DIPK2A: variants seen among roughly 807,000 people sequenced by gnomAD.
DIPK2A encodes divergent protein kinase domain 2A.
A neutral mutation model predicts 39.0 loss-of-function variants in DIPK2A; 27 were observed. The ratio of observed to expected loss-of-function variants is 0.69; its 90% CI spans 0.51 to 0.96. The LOEUF is 0.96. Ranked by LOEUF, DIPK2A falls within the 40% of genes least tolerant of loss-of-function variation. The pLI is 0.00. For synonymous variants in DIPK2A, 298 were observed against 240.8 expected, an observed-to-expected ratio of 1.24 and a Z score of -2.20; for missense variants, 528 against 571.3, an observed-to-expected ratio of 0.92 and a Z score of 0.77.
At chr3:143,985,992 A>G (rs2087894223) in intron 2 of DIPK2A, 146 bp downstream of exon 2, 1 of 624,096 alleles carries the variant, frequency 1.6e-6, no homozygotes, top group Non-Finnish European at 2.8e-6. Context: ...CTGTCAATAA[A>G]CAAATACAGA....
At chr3:143,982,870 C>T (rs1385175188) in intron 1 of DIPK2A, among the ~76,000 whole-genome samples, 2 of 151,418 alleles carry the variant, frequency 1.3e-5, no homozygotes, top group South Asian at 4.2e-4. Context: ...CAAAGACACA[C>T]ATGAAACATT....
rs763842146 is a variant in DIPK2A, at chr3:143,972,898, C to G, written c.566C>G (p.Ser189Trp). 1 of 1,582,270 alleles carries G rather than the reference C, an allele frequency of 6.3e-7. No homozygotes were observed. The highest frequency in any genetic ancestry group is 8.6e-7 in the Non-Finnish European group (1 of 1,166,336). The change falls in exon 1 of 3, where the codon TCG becomes TGG. Residue 189 changes from serine to tryptophan, a missense_variant. Transcript: ENST00000315691. The part of the protein sequence containing the change: ...LVRRYAETKD[S>W]GSFLLRNLKD... ...CGCCGCTACGCGGAGACCAAGGACT[C>G]GGGCAGCTTCCTGCTTCGCAACCTC...
intron 1 of DIPK2A, among the ~76,000 whole-genome samples, chr3:143,974,932 G>A (rs546264072): frequency 6.6e-6 from 1 of 152,172 alleles, no homozygotes; most frequent in East Asian, 1.9e-4. Flanking sequence ...CTTTGTAGTT[G>A]AGATAGTCAA....
intron 1 of DIPK2A, among the ~76,000 whole-genome samples, chr3:143,975,690 A>C (rs2087719158): frequency 1.3e-5 from 2 of 152,126 alleles, no homozygotes; most frequent in Non-Finnish European, 2.9e-5. Flanking sequence ...TCATGTATTA[A>C]AAAATATATT....
chr3:143,983,483 G>A (rs1226336652), intron 1 of DIPK2A, among the ~76,000 whole-genome samples: 1 of 152,182 alleles, frequency 6.6e-6, no homozygotes, highest in Non-Finnish European at 1.5e-5. Flanking sequence ...AATTAAGGCA[G>A]AAGTAAATAA....
intron 2 of DIPK2A, among the ~76,000 whole-genome samples, chr3:143,987,915 G>C (rs1234319749): frequency 1.3e-5 from 2 of 152,074 alleles, no homozygotes; most frequent in Non-Finnish European, 2.9e-5. Context: ...TCAACTTCTC[G>C]AAGTTGTTTC....
rs571020495 is a variant in DIPK2A, at chr3:143,980,372, A to G, written c.658-5171A>G. On this transcript the variant is annotated intron_variant, in intron 1 of 2. Transcript: ENST00000315691. ...AACCTCTGCCTCCCGGGTTCAAGCA[A>G]TTCTCCTGCCTCAGCCTCCCGAGTA... Among the ~76,000 whole-genome samples the G allele has an allele frequency of 2.6e-5, 4 of 152,048 alleles. No homozygotes were observed. In the South Asian group the frequency reaches 6.2e-4, roughly 24 times the overall value.
chr3:143,978,987 A>T (rs2087790644), intron 1 of DIPK2A, among the ~76,000 whole-genome samples: 1 of 152,088 alleles, frequency 6.6e-6, no homozygotes, highest in South Asian at 2.1e-4. Flanking sequence ...AGAAAGGATT[A>T]TTCAAGTAAT....
intron 1 of DIPK2A, chr3:143,978,647 T>TCTATATATAG (rs2087776639): frequency 2.3e-5 from 1 of 42,766 alleles, no homozygotes; most frequent in Non-Finnish European, 4.0e-5. Context: ...TATCTATATA[T>TCTATATATAG]ATATATATAT....
Position 143,972,097 on chromosome 3 carries a change from G to A in DIPK2A, c.-236G>A, listed in dbSNP as rs547059356. The A allele has an allele frequency of 7.7e-6, 3 of 391,976 alleles. No homozygotes were observed. The highest frequency in any genetic ancestry group is 6.4e-4 in the Middle Eastern group (1 of 1,552). The allele number at this position is 391,976 out of a possible 1,614,324, so 24.3% of individuals were successfully genotyped here. A position where few individuals can be genotyped will look rare whatever the true frequency, so the allele number is the denominator to read the frequency against. ...CCGGAGTCGGAGGGCGGGGAGCTAGGAGGAGGGAGCTCGAGAGTTGTGGAG... is the reference window on the plus strand; with the variant it reads ...CCGGAGTCGGAGGGCGGGGAGCTAGAAGGAGGGAGCTCGAGAGTTGTGGAG... On this transcript the variant is annotated 5_prime_UTR_variant, in exon 1 of 3. Transcript: ENST00000315691.
At chr3:143,982,149 T>G (rs2087836231) in intron 1 of DIPK2A, among the ~76,000 whole-genome samples, 1 of 152,226 alleles carries the variant, frequency 6.6e-6, no homozygotes, top group African/African-American at 2.4e-5. Flanking sequence ...TCTTATAGCA[T>G]CAGTGCTTTT....
intron 1 of DIPK2A, among the ~76,000 whole-genome samples, chr3:143,974,869 A>G (rs1228228653): frequency 6.6e-6 from 1 of 152,148 alleles, no homozygotes; most frequent in African/African-American, 2.4e-5. Context: ...TGCTTTGTGC[A>G]GGAAGGTTTT....
intron 1 of DIPK2A, chr3:143,973,628 C>A: frequency 2.3e-6 from 3 of 1,306,432 alleles, no homozygotes; most frequent in Non-Finnish European, 3.2e-6. Flanking sequence ...AGTAAGGCAG[C>A]GTTGGACTTG....
At chr3:143,976,919 T>C (rs1388458196) in intron 1 of DIPK2A, among the ~76,000 whole-genome samples, 1 of 152,046 alleles carries the variant, frequency 6.6e-6, no homozygotes, top group Non-Finnish European at 1.5e-5. Flanking sequence ...TTGAATAAAG[T>C]AAAGGTAACT....
chr3:143,984,529 G>GGCTA (rs2087871302), intron 1 of DIPK2A, among the ~76,000 whole-genome samples: 1 of 151,650 alleles, frequency 6.6e-6, no homozygotes, highest in Non-Finnish European at 1.5e-5. Flanking sequence ...CCCTGGGGAT[G>GGCTA]GCTAGTTGGT....
intron 1 of DIPK2A, chr3:143,973,713 A>G (rs2087690546): frequency 3.2e-6 from 2 of 632,212 alleles, no homozygotes; most frequent in East Asian, 2.8e-5. Flanking sequence ...CTGGTAATCT[A>G]GTTGAAGGGA....
At chr3:143,976,795 A>G (rs1351350217) in intron 1 of DIPK2A, among the ~76,000 whole-genome samples, 1 of 152,100 alleles carries the variant, frequency 6.6e-6, no homozygotes, top group Non-Finnish European at 1.5e-5. Flanking sequence ...GTATATGACT[A>G]TCATTAAGCT....
rs773042738 is a variant in DIPK2A, at chr3:143,992,253, A to G, written c.*2412A>G. The G allele has an allele frequency of 1.3e-5, 2 of 152,576 alleles. No individual in the cohort carries two copies. The highest frequency in any genetic ancestry group is 2.9e-5 in the Non-Finnish European group (2 of 68,014). The allele number at this position is 152,576 out of a possible 1,614,324, so 9.5% of individuals were successfully genotyped here. ...TATGTGCATTAAAATTGTCTTTTGTACTGTAAGTTACTGTTAATTTGAATA... is the reference window on the plus strand; with the variant it reads ...TATGTGCATTAAAATTGTCTTTTGTGCTGTAAGTTACTGTTAATTTGAATA... On this transcript the variant is annotated 3_prime_UTR_variant, in exon 3 of 3. Transcript: ENST00000315691.
intron 1 of DIPK2A, among the ~76,000 whole-genome samples, chr3:143,979,818 A>G (rs968371775): frequency 6.6e-6 from 1 of 152,212 alleles, no homozygotes; most frequent in African/African-American, 2.4e-5. Context: ...GCTGTTGGAC[A>G]TGATATTCAG....
Sources: allele counts gnomAD v4.1 joint callset (sites outside exome capture counted in the v4.1 genomes callset), GRCh38; gene constraint gnomAD v4.1.1; transcripts MANE v1.5; gene names NCBI Gene and HGNC (gene_info 2026-07-23, HGNC 2026-07-21).